Variants in CACNB4 observed in about 807,000 individuals in gnomAD.
CACNB4 encodes voltage-dependent L-type calcium channel subunit beta-4.
Under a neutral mutation model 71.2 loss-of-function variants are expected in CACNB4, and 32 were observed. The ratio of observed to expected loss-of-function variants is 0.45; its 90% CI spans 0.34 to 0.60. The LOEUF (loss-of-function observed/expected upper bound fraction) is 0.60, where lower values mean the gene tolerates loss of function less well. Among genes scored for constraint, CACNB4 ranks in the 20% least tolerant of loss-of-function variants. The pLI is 0.01. For missense variants in CACNB4, 464 were observed against 647.9 expected (o/e 0.72, Z 3.08); for synonymous variants, 231 against 236.9 (o/e 0.97, Z 0.23).
At chr2:152,016,962 C>T (rs1304242035) in intron 2 of CACNB4, among the ~76,000 whole-genome samples, 1 of 152,128 alleles carries the variant, frequency 6.6e-6, no homozygotes, top group Non-Finnish European at 1.5e-5. Context: ...TCACAGATTG[C>T]CCAATATCAT....
chr2:152,093,785 T>C (rs1688116597), intron 2 of CACNB4, among the ~76,000 whole-genome samples: 2 of 152,198 alleles, frequency 1.3e-5, no homozygotes, highest in South Asian at 4.1e-4. Context: ...GCCATCCCAG[T>C]GCCCATATAA....
At chr2:151,919,712 C>T (rs563937657) in intron 2 of CACNB4, among the ~76,000 whole-genome samples, 2 of 152,220 alleles carry the variant, frequency 1.3e-5, no homozygotes, top group African/African-American at 2.4e-5. Context: ...CCTACCTTGA[C>T]GCCCCCCTTA....
chr2:151,876,521 C>T lies in CACNB4; in HGVS notation c.426G>A (p.Val142=). The T allele has an allele frequency of 1.2e-6, 2 of 1,601,274 alleles. No individual in the cohort carries two copies. The highest frequency in any genetic ancestry group is 1.7e-6 in the Non-Finnish European group (2 of 1,171,532). The change falls in exon 5 of 14, where the codon GTG becomes GTA. Residue 142 remains valine (V), a synonymous_variant. Coordinates refer to ENST00000539935, the MANE Select transcript of CACNB4 (RefSeq NM_000726.5). ...TGAAGCCAATTTCACAGCCCTCTTT[C>T]ACCAGCCTTCCTATCCACCAATCAT... is the stretch of plus-strand genomic sequence containing the variant. ...YNNDWWIGRL[V]KEGCEIGFIP... is the part of the protein sequence containing the mutation.
chr2:152,052,196 T>C (rs1015204294), intron 2 of CACNB4, among the ~76,000 whole-genome samples: 6 of 152,246 alleles, frequency 3.9e-5, no homozygotes, highest in African/African-American at 1.4e-4. Flanking sequence ...AGCCTACAGG[T>C]GGGCAAAATC....
chr2:151,955,512 A>G (rs2151677982), intron 2 of CACNB4, among the ~76,000 whole-genome samples: 3 of 152,330 alleles, frequency 2.0e-5, no homozygotes, highest in Middle Eastern at 6.8e-3. Flanking sequence ...GCAGGTGGCT[A>G]ATGCCCAAGT....
intron 2 of CACNB4, among the ~76,000 whole-genome samples, chr2:152,028,898 A>G (rs1684114268): frequency 6.6e-6 from 1 of 152,258 alleles, no homozygotes; most frequent in Non-Finnish European, 1.5e-5. Flanking sequence ...TATTTGTCCA[A>G]GAAAGCTTCA....
intron 2 of CACNB4, among the ~76,000 whole-genome samples, chr2:151,985,722 C>T (rs926158372): frequency 1.5e-4 from 23 of 149,576 alleles, no homozygotes; most frequent in Non-Finnish European, 3.1e-4. Context: ...ATATATAATG[C>T]TACGTATTTT....
intron 2 of CACNB4, among the ~76,000 whole-genome samples, chr2:152,030,411 T>C (rs1196265596): frequency 2.0e-5 from 3 of 152,250 alleles, no homozygotes; most frequent in African/African-American, 7.2e-5. Context: ...TATGATCTCA[T>C]AATTTTAGAA....
At chr2:151,897,317 G>T (rs2151493731) in intron 2 of CACNB4, among the ~76,000 whole-genome samples, 2 of 152,286 alleles carry the variant, frequency 1.3e-5, no homozygotes, top group South Asian at 4.1e-4. Flanking sequence ...CAGGAATTAG[G>T]TCTTCAAGTG....
chr2:151,876,607 G>A (rs375708364), intron 4 of CACNB4, 51 bp from the exon 5 acceptor site: 45 of 1,131,616 alleles, frequency 4.0e-5, no homozygotes, highest in Non-Finnish European at 4.9e-5. Context: ...TTATCTTCAC[G>A]TTGTTTATTA....
chr2:152,062,870 A>C (rs1161342726), intron 2 of CACNB4, among the ~76,000 whole-genome samples: 2 of 152,232 alleles, frequency 1.3e-5, no homozygotes, highest in Non-Finnish European at 2.9e-5. Flanking sequence ...GAGCAATTTT[A>C]GACAGAAAGG....
At chr2:151,904,723 C>T (rs76014763) in intron 2 of CACNB4, among the ~76,000 whole-genome samples, 3 of 152,056 alleles carry the variant, frequency 2.0e-5, no homozygotes, top group Admixed American at 6.6e-5. Context: ...TTAGTAGAGA[C>T]GGGGTTTCAC....
chr2:151,980,566 A>G (rs1225330287), intron 2 of CACNB4, among the ~76,000 whole-genome samples: 1 of 152,242 alleles, frequency 6.6e-6, no homozygotes, highest in African/African-American at 2.4e-5. Flanking sequence ...CCCACTGCCT[A>G]GCACATAGGC....
At chr2:152,043,219 C>T (rs1057101328) in intron 2 of CACNB4, among the ~76,000 whole-genome samples, 1 of 152,230 alleles carries the variant, frequency 6.6e-6, no homozygotes, top group Non-Finnish European at 1.5e-5. Context: ...GGAGCAGACA[C>T]TCTTTTATTC....
rs70974816 is a variant in CACNB4, at chr2:152,001,526, T to TAA, written c.147+96802_147+96803dup. Reference sequence around the variant, plus strand: ...CAACATGGTGAAACCCCATCTCTACTAAAAAAAAAAAAAAAAAAAAAAAAA... The same window carrying TAA: ...CAACATGGTGAAACCCCATCTCTACTAAAAAAAAAAAAAAAAAAAAAAAAAAA... On this transcript the variant is annotated intron_variant, in intron 2 of 13. Coordinates refer to ENST00000539935, the MANE Select transcript of CACNB4 (RefSeq NM_000726.5). Among the ~76,000 whole-genome samples the TAA allele has an allele frequency of 8.1e-3, 289 of 35,496 alleles. 15 individuals carry two copies. Among genetic ancestry groups the TAA allele is most frequent in the African/African-American group, 0.026 (265 of 10,180 alleles). 23.3% of individuals were successfully genotyped at this position (35,496 alleles called of 152,430 possible).
At chr2:152,039,813 A>G (rs1206104882) in intron 2 of CACNB4, among the ~76,000 whole-genome samples, 1 of 152,264 alleles carries the variant, frequency 6.6e-6, no homozygotes, top group African/African-American at 2.4e-5. Flanking sequence ...AGTCGAAGGC[A>G]TGAAGTAAGC....
chr2:151,872,367 T>C (rs1190950894), intron 6 of CACNB4, 50 bp downstream of exon 6: 1 of 1,060,664 alleles, frequency 9.4e-7, no homozygotes. Flanking sequence ...TGTTCAAATA[T>C]TTTTAAAAGG....
intron 2 of CACNB4, among the ~76,000 whole-genome samples, chr2:152,015,804 C>G (rs990178381): frequency 6.6e-6 from 1 of 152,216 alleles, no homozygotes; most frequent in Non-Finnish European, 1.5e-5. Flanking sequence ...TCATAAGCCA[C>G]TGAGACTTTC....
intron 2 of CACNB4, among the ~76,000 whole-genome samples, chr2:152,063,138 T>C (rs1460428964): frequency 6.6e-6 from 1 of 152,214 alleles, no homozygotes; most frequent in Non-Finnish European, 1.5e-5. Flanking sequence ...TGCACATATA[T>C]TGGTAATCAG....
Sources: allele counts gnomAD v4.1 joint callset (sites outside exome capture counted in the v4.1 genomes callset), GRCh38; gene constraint gnomAD v4.1.1; transcripts MANE v1.5; gene names NCBI Gene and HGNC (gene_info 2026-07-23, HGNC 2026-07-21).